TRIM33: variants seen among roughly 807,000 people sequenced by gnomAD.
TRIM33 encodes E3 ubiquitin-protein ligase TRIM33.
In TRIM33, 20 loss-of-function variants were observed where a neutral mutation model predicts 125.4. That is an observed-to-expected ratio of 0.16 (90% CI 0.11 to 0.23). TRIM33 has a LOEUF of 0.23. Ranked by LOEUF, TRIM33 falls within the 10% of genes least tolerant of loss-of-function variation. The pLI, the probability that TRIM33 is intolerant of heterozygous loss-of-function variation, is 1.00. For synonymous variants in TRIM33, 564 were observed against 513.9 expected, an observed-to-expected ratio of 1.10 and a Z score of -1.32; for missense variants, 920 against 1,411.4, an observed-to-expected ratio of 0.65 and a Z score of 5.58.
intron 1 of TRIM33, 66 bp downstream of exon 1, chr1:114,510,485 C>G (rs1175687141): frequency 1.5e-5 from 21 of 1,388,372 alleles, no homozygotes; most frequent in Non-Finnish European, 1.7e-5. Context: ...GCACCTCCGT[C>G]CCCAGCTCCT....
intron 1 of TRIM33, among the ~76,000 whole-genome samples, chr1:114,497,681 A>G (rs932888638): frequency 3.3e-5 from 5 of 152,196 alleles, no homozygotes; most frequent in Admixed American, 6.5e-5. Flanking sequence ...CTCACAGGTC[A>G]TACAAAACCA....
intron 4 of TRIM33, among the ~76,000 whole-genome samples, chr1:114,450,963 TTC>T (rs1210171043): frequency 6.6e-6 from 1 of 152,222 alleles, no homozygotes; most frequent in Non-Finnish European, 1.5e-5. Context: ...CGTAATTTTT[TTC>T]TTTTAAATAT....
chr1:114,507,304 C>T (rs555878484), intron 1 of TRIM33, among the ~76,000 whole-genome samples: 4 of 152,144 alleles, frequency 2.6e-5, no homozygotes, highest in Non-Finnish European at 2.9e-5. Flanking sequence ...ATCTGTATTC[C>T]TAACAATGTC....
At chr1:114,407,154 A>G (rs1652298874) in intron 13 of TRIM33, 54 bp from the exon 14 acceptor site, 3 of 1,449,066 alleles carry the variant, frequency 2.1e-6, no homozygotes, top group African/African-American at 2.8e-5. Flanking sequence ...TGGTATAAAT[A>G]AAAACAATTA....
intron 4 of TRIM33, among the ~76,000 whole-genome samples, chr1:114,444,127 G>C (rs1648827383): frequency 6.6e-6 from 1 of 152,206 alleles, no homozygotes; most frequent in Non-Finnish European, 1.5e-5. Context: ...AGGCGAAGTA[G>C]AGCAGAGGCA....
Position 114,510,891 on chromosome 1 carries a change from G to C in TRIM33, c.186C>G (p.Pro62=), listed in dbSNP as rs753704595. 27 of 1,430,330 alleles carry C rather than the reference G, an allele frequency of 1.9e-5. No homozygotes were observed. The highest frequency in any genetic ancestry group is 1.4e-4 in the South Asian group (10 of 69,668). The allele number at this position is 1,430,330 out of a possible 1,614,324, so 88.6% of individuals were successfully genotyped here. Residue 62 remains proline, a synonymous_variant, in exon 1 of 20, where the codon CCC becomes CCG. Transcript: ENST00000358465. ...AGGCCGCGGCCACCCCCCCGTCGTC[G>C]GGCCCGGCCGCGCCGCCCTCAGCGC... The part of the protein sequence containing the change: ...RAGAEGGAAG[P]DDGGVAAASS...
chr1:114,441,687 A>C, intron 4 of TRIM33, among the ~76,000 whole-genome samples: 1 of 152,240 alleles, frequency 6.6e-6, no homozygotes, highest in East Asian at 1.9e-4. Context: ...GCCATTTAAT[A>C]AAATTTTCAC....
At chr1:114,425,353 TAG>T in intron 9 of TRIM33, 94 bp downstream of exon 9, 2 of 1,474,600 alleles carry the variant, frequency 1.4e-6, no homozygotes, top group Non-Finnish European at 1.8e-6. Context: ...TCAGTCTTGC[TAG>T]TAACTTTGAA....
At chr1:114,463,026 A>G (rs932387432) in intron 4 of TRIM33, 78 bp downstream of exon 4, 31 of 1,129,088 alleles carry the variant, frequency 2.7e-5, no homozygotes, top group Non-Finnish European at 3.8e-5. Context: ...CATATAATCA[A>G]TATTTGCTTT....
chr1:114,439,901 C>T (rs941315535), intron 4 of TRIM33, among the ~76,000 whole-genome samples: 3 of 152,108 alleles, frequency 2.0e-5, no homozygotes, highest in Admixed American at 2.0e-4. Context: ...TTAAAGAAAA[C>T]TTTCAGCCTT....
Position 114,402,787 on chromosome 1 carries a change from C to G in TRIM33, c.2865G>C (p.Ala955=). ...NLQHSKKGKT[A]QGLSPVDQRK... is the part of the protein sequence containing the mutation. ...TTTGGTCCACGGGGCTTAACCCCTG[C>G]GCAGTTTTCCCCTTCTTACTATGTT... is the stretch of plus-strand genomic sequence containing the variant. The change falls in exon 16 of 20, where the codon GCG becomes GCC. Residue 955 remains alanine, a synonymous_variant. Transcript: ENST00000358465. 1 of 1,614,014 alleles carries G rather than the reference C, an allele frequency of 6.2e-7. No homozygotes were observed. The highest frequency in any genetic ancestry group is 8.5e-7 in the Non-Finnish European group (1 of 1,179,976).
chr1:114,497,730 A>G (rs1652455732), intron 1 of TRIM33, among the ~76,000 whole-genome samples: 1 of 152,198 alleles, frequency 6.6e-6, no homozygotes, highest in African/African-American at 2.4e-5. Context: ...CAGTTTGCCA[A>G]TCCCTGATCT....
At chr1:114,419,747 T>A (rs557204318) in intron 11 of TRIM33, among the ~76,000 whole-genome samples, 2 of 152,294 alleles carry the variant, frequency 1.3e-5, no homozygotes, top group East Asian at 3.9e-4. Context: ...ATGAGTAAAT[T>A]ACAGCTGCTC....
At chr1:114,492,294 A>G (rs1652115999) in intron 1 of TRIM33, among the ~76,000 whole-genome samples, 1 of 152,228 alleles carries the variant, frequency 6.6e-6, no homozygotes, top group East Asian at 1.9e-4. Context: ...ATGATTTTAA[A>G]ATTTCTAGAA....
chr1:114,511,139 C>A lies in TRIM33; in HGVS notation c.-63G>T. On this transcript the variant is annotated 5_prime_UTR_variant, in exon 1 of 20. Coordinates refer to ENST00000358465, the MANE Select transcript of TRIM33 (RefSeq NM_015906.4). ...CCCGCCGCCCGCGTCGCCGCCGCCG[C>A]CGCCCCCAGCCCCAGCCGCAGCCGC... 1 of 1,082,632 alleles carries A rather than the reference C, an allele frequency of 9.2e-7. No individual in the cohort carries two copies. The highest frequency in any genetic ancestry group is 4.3e-5 in the South Asian group (1 of 23,126). 67.1% of individuals were successfully genotyped at this position (1,082,632 alleles called of 1,614,324 possible).
intron 1 of TRIM33, among the ~76,000 whole-genome samples, chr1:114,502,062 C>T (rs1652751507): frequency 6.6e-6 from 1 of 152,144 alleles, no homozygotes; most frequent in Admixed American, 6.5e-5. Flanking sequence ...CTTAGATAGA[C>T]TGTCATAAAC....
intron 4 of TRIM33, among the ~76,000 whole-genome samples, chr1:114,452,318 G>C (rs1271518697): frequency 1.3e-5 from 2 of 152,042 alleles, no homozygotes; most frequent in African/African-American, 4.8e-5. Context: ...AAAGTAGCTG[G>C]GCGTGGTGGT....
intron 4 of TRIM33, among the ~76,000 whole-genome samples, chr1:114,434,823 A>G (rs1648179444): frequency 6.6e-6 from 1 of 152,244 alleles, no homozygotes; most frequent in South Asian, 2.1e-4. Context: ...AATCGGCCTC[A>G]ATACCAAGAA....
chr1:114,481,602 A>G (rs1272809979), intron 1 of TRIM33, among the ~76,000 whole-genome samples: 3 of 151,382 alleles, frequency 2.0e-5, no homozygotes, highest in Non-Finnish European at 4.4e-5. Context: ...AAAAAAACCC[A>G]AGAAAAACAA....
Sources: allele counts gnomAD v4.1 joint callset (sites outside exome capture counted in the v4.1 genomes callset), GRCh38; gene constraint gnomAD v4.1.1; transcripts MANE v1.5; gene names NCBI Gene and HGNC (gene_info 2026-07-23, HGNC 2026-07-21).